Variants in GRK5 observed in about 807,000 individuals in gnomAD.
The protein encoded by GRK5 is g protein-coupled receptor kinase GRK5.
Under a neutral mutation model 78.4 loss-of-function variants are expected in GRK5, and 40 were observed. That is an observed-to-expected ratio of 0.51 (90% CI 0.40 to 0.66). The LOEUF is 0.66. GRK5 is among the 30% of genes least tolerant of loss of function. GRK5 has a pLI of 0.00. For synonymous variants in GRK5, 289 were observed against 296.8 expected, an observed-to-expected ratio of 0.97 and a Z score of 0.27; for missense variants, 598 against 759.9, an observed-to-expected ratio of 0.79 and a Z score of 2.50.
At chr10:119,358,282 G>A (rs1302953224) in intron 2 of GRK5, among the ~76,000 whole-genome samples, 1 of 152,170 alleles carries the variant, frequency 6.6e-6, no homozygotes, top group Non-Finnish European at 1.5e-5. Context: ...TGAGGAACAG[G>A]AGTCCCTCCC....
chr10:119,271,154 G>T lies in GRK5; in HGVS notation c.53-55362G>T, dbSNP rs1433761986. Among the ~76,000 whole-genome samples the T allele has an allele frequency of 2.0e-5, 3 of 152,234 alleles. No homozygotes were observed. On this transcript the variant is annotated intron_variant, in intron 1 of 15. Transcript: ENST00000392870. This position sits in a 1 kb window ranked among gnomAD's most constrained non-coding sequence, Gnocchi z 4.1. ...CACCAGGACCTGGGGTGGCGCCGGCGCCGTTAGGGAGGGAGTGTTCACCGG... is the reference window on the plus strand; with the variant it reads ...CACCAGGACCTGGGGTGGCGCCGGCTCCGTTAGGGAGGGAGTGTTCACCGG...
chr10:119,432,541 C>T (rs1443665059), intron 8 of GRK5, among the ~76,000 whole-genome samples: 28 of 152,148 alleles, frequency 1.8e-4, no homozygotes. Context: ...GAAAAGCTTC[C>T]CTCTTTGAGT....
intron 1 of GRK5, among the ~76,000 whole-genome samples, chr10:119,295,655 C>T (rs753202567): frequency 5.3e-5 from 8 of 152,050 alleles, no homozygotes; most frequent in Admixed American, 1.3e-4. Context: ...GCATTTGCAG[C>T]GACCTGGATG....
chr10:119,286,598 G>T (rs926267928), intron 1 of GRK5, among the ~76,000 whole-genome samples: 5 of 152,208 alleles, frequency 3.3e-5, no homozygotes, highest in African/African-American at 1.2e-4. Context: ...TTTTCAATTT[G>T]CTATAATTTG....
rs79492958 is a variant in GRK5, at chr10:119,264,471, G to A, written c.52+56502G>A. Reference sequence around the variant, plus strand: ...GTGTTGGCCTCTCTCTCCTACTACCGCTCATCCTTCTCCCCATGACGATAA... The same window carrying A: ...GTGTTGGCCTCTCTCTCCTACTACCACTCATCCTTCTCCCCATGACGATAA... On this transcript the variant is annotated intron_variant, in intron 1 of 15. Coordinates refer to ENST00000392870, the MANE Select transcript of GRK5 (RefSeq NM_005308.3). This position sits in a 1 kb window ranked among gnomAD's most constrained non-coding sequence, Gnocchi z 4.1. Among the ~76,000 whole-genome samples the A allele has an allele frequency of 0.02, 3,047 of 152,100 alleles. 58 individuals are homozygous for A. The highest frequency in any genetic ancestry group is 0.053 in the Admixed American group (815 of 15,266).
Position 119,429,368 on chromosome 10 carries a change from T to C in GRK5, c.534-1007T>C, listed in dbSNP as rs1032646430. Among the ~76,000 whole-genome samples, 3 of 984 alleles carry C rather than the reference T, an allele frequency of 3.0e-3. No individual in the cohort carries two copies. The Non-Finnish European group carries it at 0.058, about 19-fold the overall frequency. The allele number at this position is 984 out of a possible 152,430, so 0.6% of individuals were successfully genotyped here. A position where few individuals can be genotyped will look rare whatever the true frequency, so the allele number is the denominator to read the frequency against. On this transcript the variant is annotated intron_variant, in intron 6 of 15. Transcript: ENST00000392870. ...CTGACCCAGTTCTTTGGCCCAGTTCTGCTCGATCCAACCCCTGCCCTGGTC... is the reference window on the plus strand; with the variant it reads ...CTGACCCAGTTCTTTGGCCCAGTTCCGCTCGATCCAACCCCTGCCCTGGTC...
In GRK5 at chr10:119,452,843, G is replaced by T. The variant is rs41284422; in HGVS notation, c.1542+35G>T. 2.5e-6 allele frequency: 4 copies of T among 1,588,682 alleles called. No individual in the cohort carries two copies. The South Asian group carries it at 4.5e-5, about 18-fold the overall frequency. On this transcript the variant is annotated intron_variant, in intron 14 of 15. Coordinates refer to ENST00000392870, the MANE Select transcript of GRK5 (RefSeq NM_005308.3). This position sits in a 1 kb window ranked among gnomAD's most constrained non-coding sequence, Gnocchi z 4.4. Reference sequence around the variant, plus strand: ...GCAGACCACTTGCTTTGGTCTGGGTGGGAGGGAGGGACTGACGGGTGGAAG... The same window carrying T: ...GCAGACCACTTGCTTTGGTCTGGGTTGGAGGGAGGGACTGACGGGTGGAAG...
At chr10:119,291,242 A>T (rs1314073412) in intron 1 of GRK5, among the ~76,000 whole-genome samples, 1 of 152,136 alleles carries the variant, frequency 6.6e-6, no homozygotes, top group African/African-American at 2.4e-5. Context: ...ATTGGAGGTG[A>T]AGCAGGGCTC....
Position 119,443,672 on chromosome 10 carries a change from G to A in GRK5, c.1186G>A (p.Glu396Lys). The A allele has an allele frequency of 6.2e-7, 1 of 1,613,580 alleles. No individual in the cohort carries two copies. Among genetic ancestry groups the A allele is most frequent in the South Asian group, 1.1e-5 (1 of 91,084 alleles). Residue 396 changes from glutamate (E) to lysine (K), a missense_variant, in exon 12 of 16, where the codon GAG (glutamate) becomes AAG (lysine). By Grantham distance (56) the Glu-to-Lys change is moderately conservative (BLOSUM62 1). Transcript: ENST00000392870. ...CCGCAAGGAGAAGGTGAAGCGGGAGGAGGTGGACCGCCGGGTCCTGGAGAC... is the reference window on the plus strand; with the variant it reads ...CCGCAAGGAGAAGGTGAAGCGGGAGAAGGTGGACCGCCGGGTCCTGGAGAC... Reference protein sequence around the residue: ...RGRKEKVKREEVDRRVLETEE... With the variant: ...RGRKEKVKREKVDRRVLETEE...
At chr10:119,339,059 A>T (rs1231179405) in intron 2 of GRK5, among the ~76,000 whole-genome samples, 1 of 152,192 alleles carries the variant, frequency 6.6e-6, no homozygotes, top group Non-Finnish European at 1.5e-5. Context: ...TGTTCTTTTC[A>T]TTTCCAGCTT....
intron 1 of GRK5, among the ~76,000 whole-genome samples, chr10:119,257,279 A>G (rs1849304053): frequency 6.6e-6 from 1 of 152,212 alleles, no homozygotes; most frequent in Non-Finnish European, 1.5e-5. Flanking sequence ...ATGTTTTCCA[A>G]GTGGCTTCTG....
rs1849510277 is a variant in GRK5, at chr10:119,267,090, A to G, written c.52+59121A>G. Among the ~76,000 whole-genome samples, 1 of 152,024 alleles carries G rather than the reference A, an allele frequency of 6.6e-6. No homozygotes were observed. Among genetic ancestry groups the G allele is most frequent in the Admixed American group, 6.6e-5 (1 of 15,254 alleles). On this transcript the variant is annotated intron_variant, in intron 1 of 15. Coordinates refer to ENST00000392870, the MANE Select transcript of GRK5 (RefSeq NM_005308.3). The surrounding 1 kb of genome is among the most constrained non-coding windows in gnomAD (Gnocchi z 4.1). ...AAACCCCATCTCTACTAAAAATACA[A>G]AAATTAGCCAGGCATGGTGGCGGGC... is the stretch of plus-strand genomic sequence containing the variant.
At chr10:119,369,230 A>C (rs938293060) in intron 2 of GRK5, among the ~76,000 whole-genome samples, 24 of 152,142 alleles carry the variant, frequency 1.6e-4, no homozygotes, top group Non-Finnish European at 3.2e-4. Context: ...ATCTGGATGA[A>C]ATTTCTTTAC....
chr10:119,348,272 G>T (rs1851132930), intron 2 of GRK5, among the ~76,000 whole-genome samples: 1 of 152,194 alleles, frequency 6.6e-6, no homozygotes, highest in Non-Finnish European at 1.5e-5. Flanking sequence ...GATGTCATCG[G>T]GGGAGCTCAT....
At chr10:119,209,064 C>T (rs1362524812) in intron 1 of GRK5, among the ~76,000 whole-genome samples, 1 of 152,158 alleles carries the variant, frequency 6.6e-6, no homozygotes, top group Non-Finnish European at 1.5e-5. Flanking sequence ...ACTCGGTGAG[C>T]AGCCCATGAA....
chr10:119,380,872 A>G lies in GRK5; in HGVS notation c.206A>G (p.Gln69Arg). Residue 69 changes from glutamine (Q) to arginine (R), a missense_variant, in exon 3 of 16, where the codon CAG becomes CGG. Transcript: ENST00000392870. ...CCAATCGGGAGGCTGCTTTTCCGGC[A>G]GTTTTGTGAAACCAGGCCTGGGCTG... ...KQPIGRLLFR[Q>R]FCETRPGLEC... The G allele has an allele frequency of 1.2e-6, 2 of 1,613,646 alleles. No homozygotes were observed. Among genetic ancestry groups the G allele is most frequent in the Non-Finnish European group, 1.7e-6 (2 of 1,179,586 alleles).
chr10:119,367,844 A>G (rs138528023), intron 2 of GRK5, among the ~76,000 whole-genome samples: 23 of 152,360 alleles, frequency 1.5e-4, no homozygotes, highest in African/African-American at 5.0e-4. Flanking sequence ...CAGGACTTTC[A>G]GGAGACCATC....
chr10:119,309,870 C>T (rs1269719031), intron 1 of GRK5, among the ~76,000 whole-genome samples: 1 of 152,152 alleles, frequency 6.6e-6, no homozygotes. Context: ...GGCTCAAATC[C>T]CAGCTCAGCC....
At chr10:119,409,962 C>T (rs1203039485) in intron 4 of GRK5, among the ~76,000 whole-genome samples, 1 of 152,224 alleles carries the variant, frequency 6.6e-6, no homozygotes, top group African/African-American at 2.4e-5. Context: ...TTGGCCTGAG[C>T]GGAGCTGGCT....
Sources: allele counts gnomAD v4.1 joint callset (sites outside exome capture counted in the v4.1 genomes callset), GRCh38; gene constraint gnomAD v4.1.1; non-coding constraint Gnocchi (gnomAD v3.1); transcripts MANE v1.5; gene names NCBI Gene and HGNC (gene_info 2026-07-23, HGNC 2026-07-21).